Variants in PSMB2 observed in about 807,000 individuals in gnomAD.
PSMB2 encodes the protein proteasome 20S subunit beta 2, also known as proteasome subunit beta type-2.
In PSMB2, 13 loss-of-function variants were observed where a neutral mutation model predicts 25.7. The observed-to-expected ratio is 0.51, with a 90% confidence interval of 0.33 to 0.80. The LOEUF is 0.80. PSMB2 is among the 30% of genes least tolerant of loss of function. The probability of loss-of-function intolerance (pLI) is 0.02; values close to 1 mark genes in which losing one functional copy is unlikely to be tolerated. For synonymous variants in PSMB2, 87 were observed against 96.2 expected, an observed-to-expected ratio of 0.90 and a Z score of 0.56; for missense variants, 202 against 259.0, an observed-to-expected ratio of 0.78 and a Z score of 1.51.
chr1:35,633,954 T>C (rs970483633), intron 2 of PSMB2, among the ~76,000 whole-genome samples: 4 of 152,264 alleles, frequency 2.6e-5, no homozygotes, highest in African/African-American at 7.2e-5. Flanking sequence ...GTGCAGTGTA[T>C]AACGTTGTTA....
chr1:35,638,945 T>C (rs1651318750), intron 1 of PSMB2, among the ~76,000 whole-genome samples: 1 of 152,124 alleles, frequency 6.6e-6, no homozygotes, highest in South Asian at 2.1e-4. Flanking sequence ...CATCGTGAAA[T>C]GAATGATTAG....
rs1036634469 is a variant in PSMB2 at position 35,599,771 on chromosome 1, G to A, written c.*3496C>T. 2 of 983,456 alleles carry A rather than the reference G, an allele frequency of 2.0e-6. No individual in the cohort carries two copies. The highest frequency in any genetic ancestry group is 3.5e-5 in the African/African-American group (2 of 57,172). 60.9% of individuals were successfully genotyped at this position (983,456 alleles called of 1,614,324 possible). A position where few individuals can be genotyped will look rare whatever the true frequency, so the allele number is the denominator to read the frequency against. On this transcript the variant is annotated 3_prime_UTR_variant, in exon 6 of 6. Transcript: ENST00000373237. ...AGAGGGAAGAGATTAAAAGTAGAGT[G>A]AAGTTAGGAGGCTGTTAAATAGTCT...
chr1:35,626,864 G>T (rs1254964184), intron 3 of PSMB2, among the ~76,000 whole-genome samples: 3 of 152,014 alleles, frequency 2.0e-5, no homozygotes, highest in African/African-American at 7.2e-5. Flanking sequence ...TGTGGCTATT[G>T]GGTACCTGAA....
intron 3 of PSMB2, among the ~76,000 whole-genome samples, chr1:35,612,955 T>A (rs1009336982): frequency 6.6e-6 from 1 of 152,246 alleles, no homozygotes; most frequent in African/African-American, 2.4e-5. Flanking sequence ...TGAAATAGGA[T>A]GTCAACAGAA....
rs1649956629 is a variant in PSMB2, at chr1:35,600,444, G to A, written c.*2823C>T. On this transcript the variant is annotated 3_prime_UTR_variant, in exon 6 of 6. Coordinates refer to ENST00000373237, the MANE Select transcript of PSMB2 (RefSeq NM_002794.5). ...TAACATTACAGAAACTGAATAAGGG[G>A]TATAAGGACACCATATTATCTTTGC... 6.8e-6 allele frequency: 6 copies of A among 880,062 alleles called. No individual in the cohort carries two copies. The highest frequency in any genetic ancestry group is 6.8e-6 in the Non-Finnish European group (5 of 734,190). The allele number at this position is 880,062 out of a possible 1,614,324, so 54.5% of individuals were successfully genotyped here.
intron 3 of PSMB2, among the ~76,000 whole-genome samples, chr1:35,618,799 T>C (rs1021965071): frequency 1.3e-5 from 2 of 152,210 alleles, no homozygotes; most frequent in Admixed American, 1.3e-4. Context: ...AAAGTACAAA[T>C]GTAAACTGAT....
chr1:35,641,281 A>G lies in PSMB2; in HGVS notation c.91+61T>C, dbSNP rs936914740. 3.7e-6 allele frequency: 6 copies of G among 1,602,184 alleles called. No individual in the cohort carries two copies. The Admixed American group carries it at 5.1e-5, about 14-fold the overall frequency. ...CCCTGGTACTTATTCAACCCCCGAC[A>G]AACTCCTTCTGGCCGCTCCTACACC... On this transcript the variant is annotated intron_variant, in intron 1 of 5. Transcript: ENST00000373237.
chr1:35,631,683 A>C, intron 2 of PSMB2: 1 of 219,480 alleles, frequency 4.6e-6, no homozygotes, highest in Non-Finnish European at 8.3e-6. Flanking sequence ...TGAAAAAAAA[A>C]GAAAGGCGTC....
chr1:35,602,958 A>G lies in PSMB2; in HGVS notation c.*309T>C. 2 of 1,063,648 alleles carry G rather than the reference A, an allele frequency of 1.9e-6. No individual in the cohort carries two copies. The highest frequency in any genetic ancestry group is 2.3e-6 in the Non-Finnish European group (2 of 878,758). The allele number at this position is 1,063,648 out of a possible 1,614,324, so 65.9% of individuals were successfully genotyped here. A position where few individuals can be genotyped will look rare whatever the true frequency, so the allele number is the denominator to read the frequency against. ...GATACTAGCAAGTAAAATATATGAAAGAGCTAGTTGGAAAGGAAGCCAAGC... is the reference window on the plus strand; with the variant it reads ...GATACTAGCAAGTAAAATATATGAAGGAGCTAGTTGGAAAGGAAGCCAAGC... On this transcript the variant is annotated 3_prime_UTR_variant, in exon 6 of 6. Transcript: ENST00000373237.
chr1:35,609,594 G>A (rs931555414), intron 3 of PSMB2, among the ~76,000 whole-genome samples, 186 bp from the exon 4 acceptor site: 15 of 152,288 alleles, frequency 9.8e-5, no homozygotes, highest in Admixed American at 2.0e-4. Flanking sequence ...GTCAAGGGAC[G>A]TCAGCTTGTT....
chr1:35,614,316 C>T (rs1650424735), intron 3 of PSMB2, among the ~76,000 whole-genome samples: 1 of 152,150 alleles, frequency 6.6e-6, no homozygotes, highest in Non-Finnish European at 1.5e-5. Context: ...AAGGATTTGC[C>T]TAATTATCTG....
intron 4 of PSMB2, 115 bp downstream of exon 4, chr1:35,609,131 C>T: frequency 9.5e-7 from 1 of 1,056,876 alleles, no homozygotes; most frequent in Non-Finnish European, 1.3e-6. Context: ...GGTTATGCTT[C>T]TTAGGATCCA....
rs561778928 is a variant in PSMB2 at position 35,602,441 on chromosome 1, G to A, written c.*826C>T. On this transcript the variant is annotated 3_prime_UTR_variant, in exon 6 of 6. Transcript: ENST00000373237. ...AAAACATAAGAAATTAGTAGCTGAA[G>A]TTTCCTCCAGGAAGGGAAGCAGGAA... 6.6e-6 allele frequency: 1 copy of A among 152,354 alleles called. No homozygotes were observed. The highest frequency in any genetic ancestry group is 1.5e-5 in the Non-Finnish European group (1 of 68,046). 9.4% of individuals were successfully genotyped at this position (152,354 alleles called of 1,614,324 possible). A position where few individuals can be genotyped will look rare whatever the true frequency, so the allele number is the denominator to read the frequency against.
rs67766222 is a variant in PSMB2, at chr1:35,628,578, GA to G, written c.285+2695del. On this transcript the variant is annotated intron_variant, in intron 3 of 5. Coordinates refer to ENST00000373237, the MANE Select transcript of PSMB2 (RefSeq NM_002794.5). ...CTTGGTGACAATGACTTTCTTGGAA[GA>G]AAAAAAAAAAAAAAAAAATATATAT... 6.1e-3 allele frequency among the ~76,000 whole-genome samples: 202 copies of G among 32,900 alleles called. 1 individual carries two copies. The highest frequency in any genetic ancestry group is 7.9e-3 in the African/African-American group (75 of 9,456). The allele number at this position is 32,900 out of a possible 152,430, so 21.6% of individuals were successfully genotyped here.
intron 4 of PSMB2, among the ~76,000 whole-genome samples, chr1:35,609,017 G>A (rs1650253344): frequency 6.6e-6 from 1 of 152,222 alleles, no homozygotes; most frequent in East Asian, 1.9e-4. Context: ...CCCAGCTCTA[G>A]AGATATGTAC....
intron 3 of PSMB2, among the ~76,000 whole-genome samples, chr1:35,612,408 T>C (rs1380994497): frequency 1.3e-5 from 2 of 152,104 alleles, no homozygotes; most frequent in Admixed American, 6.5e-5. Flanking sequence ...GAAGAAAAGA[T>C]GCTACCAAAA....
intron 3 of PSMB2, among the ~76,000 whole-genome samples, chr1:35,619,699 C>T (rs1650621431): frequency 6.6e-6 from 1 of 152,206 alleles, no homozygotes; most frequent in Admixed American, 6.5e-5. Context: ...TTCTCTAAAG[C>T]TATCAATGAC....
At position 35,599,648 on chromosome 1, in the gene PSMB2, C is replaced by T; in HGVS notation, c.*3619G>A. 3.0e-5 allele frequency: 30 copies of T among 984,458 alleles called. No individual in the cohort carries two copies. Among genetic ancestry groups the T allele is most frequent in the South Asian group, 9.4e-5 (2 of 21,268 alleles). 61.0% of individuals were successfully genotyped at this position (984,458 alleles called of 1,614,324 possible). On this transcript the variant is annotated 3_prime_UTR_variant, in exon 6 of 6. Transcript: ENST00000373237. The stretch of plus-strand genomic sequence containing the variant: ...TAGCATGTCAAATCAAAGAATTGGG[C>T]TTTATTCTCTTAAGCCATGGAAAAC...
intron 3 of PSMB2, among the ~76,000 whole-genome samples, chr1:35,614,087 C>T (rs539055710): frequency 6.6e-6 from 1 of 152,276 alleles, no homozygotes; most frequent in East Asian, 1.9e-4. Flanking sequence ...AATGAGTTTC[C>T]TCCTCTCTCA....
Sources: allele counts gnomAD v4.1 joint callset (sites outside exome capture counted in the v4.1 genomes callset), GRCh38; gene constraint gnomAD v4.1.1; transcripts MANE v1.5; gene names NCBI Gene and HGNC (gene_info 2026-07-23, HGNC 2026-07-21).